The following CLCN5 variants were observed in gnomAD, a reference collection of about 807,000 sequenced individuals.
CLCN5 encodes H(+)/Cl(-) exchange transporter 5.
CLCN5 carries 17 observed loss-of-function variants against 54.0 expected under a neutral mutation model. That is an observed-to-expected ratio of 0.31 (90% CI 0.22 to 0.47). CLCN5 has a LOEUF of 0.47. CLCN5 is among the 20% of genes least tolerant of loss of function. CLCN5 has a pLI of 1.00. For synonymous variants in CLCN5, 222 were observed against 233.0 expected (o/e 0.95, Z 0.43); for missense variants, 448 against 646.7 (o/e 0.69, Z 3.33).
intron 3 of CLCN5, chrX:50,009,665 A>C (rs1337122758): frequency 7.9e-6 from 3 of 380,352 alleles, no homozygotes; most frequent in Non-Finnish European, 1.6e-5. Flanking sequence ...GGACCATGAA[A>C]GTCAAATATA....
At position 50,042,443 on chromosome X, in the gene CLCN5, C is replaced by A; in HGVS notation, c.144C>A (p.Pro48=). 4 of 1,085,704 alleles carry A rather than the reference C, an allele frequency of 3.7e-6. No homozygotes were observed. The highest frequency in any genetic ancestry group is 2.5e-4 in the Middle Eastern group (1 of 4,024). 89.5% of individuals were successfully genotyped at this position (1,085,704 alleles called of 1,213,427 possible). The change falls in exon 4 of 15, where the codon CCC becomes CCA. Residue 48 remains proline (P), a synonymous_variant. Transcript: ENST00000376091. ...TCTCCATGAGAGATGATGTTCCTCCCTTAGACCGAGAAGTAGGAGGTATCA... is the reference window on the plus strand; with the variant it reads ...TCTCCATGAGAGATGATGTTCCTCCATTAGACCGAGAAGTAGGAGGTATCA... The part of the protein sequence containing the change: ...MDFSMRDDVP[P]LDREVGEDKS...
intron 4 of CLCN5, among the ~76,000 whole-genome samples, chrX:50,047,172 T>C (rs782697866): frequency 4.5e-5 from 5 of 112,178 alleles, no homozygotes; most frequent in Non-Finnish European, 9.4e-5. Flanking sequence ...GAAAACAAAG[T>C]AAAATATCTT....
rs1557187279 is a variant in CLCN5 at position 50,042,369 on chromosome X, A to G, written c.70A>G (p.Ser24Gly). ...QQGSFSSFQN[S>G]SSDEDLMDIP... ...GGGGAGTTTTAGTAGCTTCCAGAAC[A>G]GCTCCAGTGATGAAGACCTGATGGA... The change falls in exon 4 of 15, where the codon AGC (serine) becomes GGC (glycine). Residue 24 changes from serine (S) to glycine (G), a missense_variant. Ser to Gly is a moderately conservative substitution (Grantham distance 56). This residue lies in a region of CLCN5 where 69 missense variants were observed against 60.9 expected (regional missense o/e 1.13). Transcript: ENST00000376091. The G allele has an allele frequency of 8.5e-7, 1 of 1,177,282 alleles. No homozygotes were observed.
intron 3 of CLCN5, among the ~76,000 whole-genome samples, chrX:49,936,439 A>C (rs12848674): frequency 6.3e-5 from 7 of 111,195 alleles, no homozygotes; most frequent in Non-Finnish European, 1.3e-4. Context: ...ACCTATAATA[A>C]TTCATTATTT....
rs1602139601 is a variant in CLCN5 at position 50,096,739 on chromosome X, G to A, written c.*4520G>A. On this transcript the variant is annotated 3_prime_UTR_variant, in exon 15 of 15. Coordinates refer to ENST00000376091, the MANE Select transcript of CLCN5 (RefSeq NM_001127898.4). ...ATTTGAATGGTGTAAGATGGTGGAA[G>A]GAAAGCCATCCCACACCCCTACAAC... is the stretch of plus-strand genomic sequence containing the variant. The A allele has an allele frequency of 8.9e-6, 1 of 112,592 alleles. No individual in the cohort carries two copies. The highest frequency in any genetic ancestry group is 1.9e-5 in the Non-Finnish European group (1 of 53,195). The allele number at this position is 112,592 out of a possible 1,213,427, so 9.3% of individuals were successfully genotyped here.
At chrX:50,012,958 G>A (rs962279772) in intron 3 of CLCN5, among the ~76,000 whole-genome samples, 1 of 111,661 alleles carries the variant, frequency 9.0e-6, no homozygotes, top group Non-Finnish European at 1.9e-5. Flanking sequence ...TCCCAATGCC[G>A]AGTCCATGCA....
At chrX:50,091,593 C>T (rs1260821800) in intron 14 of CLCN5, among the ~76,000 whole-genome samples, 4 of 112,161 alleles carry the variant, frequency 3.6e-5, no homozygotes, top group African/African-American at 1.3e-4. Context: ...TGAATCCCTG[C>T]TCCATGTAAG....
chrX:49,944,927 C>G (rs1419201697), intron 3 of CLCN5, among the ~76,000 whole-genome samples: 1 of 112,297 alleles, frequency 8.9e-6, no homozygotes, highest in Admixed American at 9.4e-5. Flanking sequence ...TTATCACCCT[C>G]TTCTGAACTC....
chrX:50,002,716 T>G (rs944411531), intron 3 of CLCN5, among the ~76,000 whole-genome samples: 19 of 106,054 alleles, frequency 1.8e-4, no homozygotes, highest in Admixed American at 1.0e-4. Context: ...TGTGTGTGTG[T>G]GGTGTGTGTG....
chrX:49,937,253 G>A (rs1296281072), intron 3 of CLCN5, among the ~76,000 whole-genome samples: 2 of 111,952 alleles, frequency 1.8e-5, no homozygotes, highest in African/African-American at 6.5e-5. Context: ...AAAATTTCTA[G>A]GATGACGCAC....
chrX:50,046,991 G>T (rs782391098), intron 4 of CLCN5, among the ~76,000 whole-genome samples: 1 of 111,075 alleles, frequency 9.0e-6, no homozygotes, highest in African/African-American at 3.3e-5. Context: ...TGCCTGCTGA[G>T]TTTCAACATA....
At chrX:50,072,397 A>G (rs1236669110) in intron 5 of CLCN5, 92 bp from the exon 6 acceptor site, 3 of 645,389 alleles carry the variant, frequency 4.6e-6, no homozygotes, top group Admixed American at 4.6e-5. Flanking sequence ...TCTATTCTCC[A>G]GTGATTTGTC....
At chrX:50,003,187 G>A (rs1557180816) in intron 3 of CLCN5, 1 of 385,371 alleles carries the variant, frequency 2.6e-6, no homozygotes, top group Non-Finnish European at 5.2e-6. Flanking sequence ...GTGTAGGACC[G>A]TTGGCATCTT....
chrX:50,011,811 C>T (rs782774352), intron 3 of CLCN5, among the ~76,000 whole-genome samples: 7 of 112,261 alleles, frequency 6.2e-5, no homozygotes, highest in East Asian at 2.8e-4. Context: ...TGTGCACACA[C>T]GCACACGTGC....
At chrX:50,059,178 AGT>A (rs1344887168) in intron 4 of CLCN5, among the ~76,000 whole-genome samples, 4 of 112,558 alleles carry the variant, frequency 3.6e-5, no homozygotes, top group African/African-American at 6.4e-5. Flanking sequence ...TCTTGATGAA[AGT>A]GTGTGAACAA....
At chrX:50,019,468 C>CTTTTTTTTT (rs1175073117) in intron 3 of CLCN5, among the ~76,000 whole-genome samples, 30 of 47,656 alleles carry the variant, frequency 6.3e-4, no homozygotes, top group Non-Finnish European at 8.4e-4. Context: ...TTTTTTTTTT[C>CTTTTTTTTT]TTTTTTTTTT....
chrX:49,970,710 T>C (rs1928162817), intron 3 of CLCN5, among the ~76,000 whole-genome samples: 1 of 112,335 alleles, frequency 8.9e-6, no homozygotes, highest in Non-Finnish European at 1.9e-5. Flanking sequence ...CAAATAATGC[T>C]ACTATGAACA....
At chrX:49,951,036 A>G (rs1328086460) in intron 3 of CLCN5, among the ~76,000 whole-genome samples, 1 of 111,515 alleles carries the variant, frequency 9.0e-6, no homozygotes, top group African/African-American at 3.3e-5. Flanking sequence ...GTCCCCCACT[A>G]CCCTTCCCAT....
At chrX:50,058,179 C>A (rs1557189339) in intron 4 of CLCN5, among the ~76,000 whole-genome samples, 1 of 111,532 alleles carries the variant, frequency 9.0e-6, no homozygotes, top group African/African-American at 3.3e-5. Flanking sequence ...ATACCAATAG[C>A]CCTGCCCCAT....
Sources: allele counts gnomAD v4.1 joint callset (sites outside exome capture counted in the v4.1 genomes callset), GRCh38; gene constraint gnomAD v4.1.1; regional missense constraint gnomAD v4.1.1; transcripts MANE v1.5; gene names NCBI Gene and HGNC (gene_info 2026-07-23, HGNC 2026-07-21).